Variants in ANO1 observed in about 807,000 individuals in gnomAD.
The protein encoded by ANO1 is anoctamin-1.
A neutral mutation model predicts 124.0 loss-of-function variants in ANO1; 59 were observed. That is an observed-to-expected ratio of 0.48 (90% confidence interval 0.39 to 0.59). The LOEUF is 0.59. Among genes scored for constraint, ANO1 ranks in the 20% least tolerant of loss-of-function variants. The probability of loss-of-function intolerance (pLI) is 0.00; values close to 1 mark genes in which losing one functional copy is unlikely to be tolerated. For missense variants in ANO1, 1,059 were observed against 1,328.0 expected (o/e 0.80, Z 3.15); for synonymous variants, 529 against 532.0 (o/e 0.99, Z 0.08).
At chr11:70,133,421 G>T (rs998581017) in intron 11 of ANO1, among the ~76,000 whole-genome samples, 1 of 152,192 alleles carries the variant, frequency 6.6e-6, no homozygotes, top group Non-Finnish European at 1.5e-5. Context: ...AGGAGCAGCT[G>T]CTCGGGGGAG....
At chr11:69,967,032 C>A in the ANO1 span, among the ~76,000 whole-genome samples, 1 of 152,344 alleles carries the variant, frequency 6.6e-6, no homozygotes, top group African/African-American at 2.4e-5. Flanking sequence ...CTGGCCTCCA[C>A]GCAGTAGAGG....
chr11:70,091,742 G>A (rs1054038000), intron 2 of ANO1, among the ~76,000 whole-genome samples: 6 of 152,156 alleles, frequency 3.9e-5, no homozygotes, highest in African/African-American at 7.2e-5. Flanking sequence ...CTGGGGCGCC[G>A]GTGGGTGGGA....
the ANO1 span, among the ~76,000 whole-genome samples, chr11:69,976,561 G>T: frequency 7.6e-6 from 1 of 131,040 alleles, no homozygotes; most frequent in Non-Finnish European, 1.6e-5. Context: ...AAAAGAGAGA[G>T]AGAGAGAGAT....
intron 22 of ANO1, among the ~76,000 whole-genome samples, chr11:70,176,289 A>G (rs1279443551): frequency 2.6e-5 from 4 of 151,646 alleles, no homozygotes; most frequent in Non-Finnish European, 5.9e-5. Context: ...CTGGGATTGC[A>G]GGTGTGCGCC....
chr11:70,057,341 C>A (rs1435340476), intron 1 of ANO1, among the ~76,000 whole-genome samples: 1 of 152,054 alleles, frequency 6.6e-6, no homozygotes, highest in Non-Finnish European at 1.5e-5. Context: ...GCCTTAAGGA[C>A]TTATGGAAAG....
At chr11:70,103,434 C>T (rs1180923546) in intron 3 of ANO1, among the ~76,000 whole-genome samples, 1 of 152,118 alleles carries the variant, frequency 6.6e-6, no homozygotes. Context: ...GGCAGAAAAG[C>T]CCACCTCTCG....
rs549432410 is a variant in ANO1 at position 70,003,312 on chromosome 11, T to A, written c.58+17146T>A. On this transcript the variant is annotated intron_variant, in intron 1 of 27. Coordinates refer to the ANO1 transcript ENST00000531349. The stretch of plus-strand genomic sequence containing the variant: ...TGAGATGCTCATCAAACAGGCAAAA[T>A]CGGTCAATATTACAATGGTTCAGCC... Among the ~76,000 whole-genome samples the A allele has an allele frequency of 1.1e-3, 169 of 152,180 alleles. 1 individual carries two copies. The highest frequency in any genetic ancestry group is 4.0e-3 in the African/African-American group (164 of 41,508).
chr11:69,995,093 GTTTT>G (rs1278482378), intron 1 of ANO1, among the ~76,000 whole-genome samples: 2 of 21,644 alleles, frequency 9.2e-5, no homozygotes, highest in African/African-American at 1.8e-4. Flanking sequence ...TGCTGGCACT[GTTTT>G]TTTTTTTTTT....
intron 4 of ANO1, among the ~76,000 whole-genome samples, chr11:70,104,872 T>C (rs2045438833): frequency 6.6e-6 from 1 of 152,002 alleles, no homozygotes; most frequent in African/African-American, 2.4e-5. Flanking sequence ...GACGAACAGG[T>C]GCCTCAGCTC....
At chr11:70,128,897 T>A (rs930602424) in intron 10 of ANO1, among the ~76,000 whole-genome samples, 1 of 152,236 alleles carries the variant, frequency 6.6e-6, no homozygotes, top group East Asian at 1.9e-4. Context: ...GTAGGGCTCA[T>A]GGGCAGGCCG....
intron 1 of ANO1, among the ~76,000 whole-genome samples, chr11:70,028,926 C>T (rs1388731099): frequency 5.3e-5 from 8 of 152,134 alleles, no homozygotes; most frequent in African/African-American, 1.7e-4. Context: ...GGAAGACAGG[C>T]GCCCACCATC....
In ANO1 at chr11:70,126,053, TG is replaced by T; in HGVS notation, c.963-6del. ...TGGGCTTGACTCTGCTCTGCTCCCC[TG>T]GTGTAGGAAGTATTTTGGGGAGAAG... On this transcript the variant is annotated splice_region_variant and splice_polypyrimidine_tract_variant and intron_variant, in intron 9 of 25. Coordinates refer to ENST00000355303, the MANE Select transcript of ANO1 (RefSeq NM_018043.7). The T allele has an allele frequency of 6.2e-7, 1 of 1,605,088 alleles. No individual in the cohort carries two copies. Among genetic ancestry groups the T allele is most frequent in the Non-Finnish European group, 8.5e-7 (1 of 1,175,122 alleles).
chr11:70,001,874 G>A (rs544806557), intron 1 of ANO1, among the ~76,000 whole-genome samples: 7 of 151,988 alleles, frequency 4.6e-5, no homozygotes, highest in Middle Eastern at 3.4e-3. Context: ...ATCTCAGCTC[G>A]CTGCAACCTC....
the ANO1 span, among the ~76,000 whole-genome samples, chr11:69,979,912 C>T: frequency 6.6e-6 from 1 of 152,154 alleles, no homozygotes; most frequent in African/African-American, 2.4e-5. Context: ...GCACACCCGT[C>T]TCCCTGGCCA....
intron 6 of ANO1, among the ~76,000 whole-genome samples, chr11:70,109,236 T>TG (rs2045675927): frequency 6.6e-6 from 1 of 152,180 alleles, no homozygotes; most frequent in African/African-American, 2.4e-5. Context: ...GGGACCATCT[T>TG]GCTGCCTTGG....
intron 16 of ANO1, among the ~76,000 whole-genome samples, chr11:70,157,665 T>C (rs2047872575): frequency 6.6e-6 from 1 of 152,156 alleles, no homozygotes; most frequent in African/African-American, 2.4e-5. Context: ...TTCAAAGATA[T>C]CATTTAAGAT....
At chr11:69,976,432 G>T in the ANO1 span, among the ~76,000 whole-genome samples, 2 of 150,084 alleles carry the variant, frequency 1.3e-5, no homozygotes, top group African/African-American at 4.9e-5. Context: ...GCGTGAACCC[G>T]GGAGGCGGAG....
chr11:70,149,523 T>C, intron 11 of ANO1, 187 bp from the exon 12 acceptor site: 1 of 569,492 alleles, frequency 1.8e-6, no homozygotes, highest in Non-Finnish European at 3.1e-6. Flanking sequence ...TGGTGGCGCA[T>C]GCCTGTAATC....
chr11:69,997,285 C>G (rs1856288225), intron 1 of ANO1, among the ~76,000 whole-genome samples: 1 of 152,122 alleles, frequency 6.6e-6, no homozygotes, highest in African/African-American at 2.4e-5. Flanking sequence ...TACCCCCACC[C>G]CCACCTCCAC....
Sources: gnomAD v4.1 joint callset for allele counts (sites outside exome capture counted in the v4.1 genomes callset) on GRCh38, gnomAD v4.1.1 for gene constraint, MANE v1.5 for transcripts, NCBI Gene and HGNC (gene_info 2026-07-23, HGNC 2026-07-21) for gene names.